Variants in SDK1 observed in about 807,000 individuals in gnomAD.
SDK1 encodes sidekick cell adhesion molecule 1.
SDK1 carries 157 observed loss-of-function variants against 245.5 expected under a neutral mutation model. The observed-to-expected ratio is 0.64, with a 90% CI of 0.56 to 0.73. The LOEUF (loss-of-function observed/expected upper bound fraction) is 0.73. Ranked by LOEUF, SDK1 falls within the 30% of genes least tolerant of loss-of-function variation. The pLI is 0.00. For synonymous variants in SDK1, 1,647 were observed against 1,278.5 expected, an observed-to-expected ratio of 1.29 and a Z score of -6.15; for missense variants, 3,583 against 3,002.3, an observed-to-expected ratio of 1.19 and a Z score of -4.52.
intron 4 of SDK1, among the ~76,000 whole-genome samples, chr7:3,792,282 A>G (rs1424347882): frequency 1.3e-5 from 2 of 151,506 alleles, no homozygotes; most frequent in African/African-American, 4.9e-5. Flanking sequence ...TGGGTCCTGA[A>G]CCCCTTCACC....
At chr7:3,585,792 C>T (rs1243857273) in intron 1 of SDK1, among the ~76,000 whole-genome samples, 1 of 152,008 alleles carries the variant, frequency 6.6e-6, no homozygotes, top group Non-Finnish European at 1.5e-5. Context: ...GACAGGTGTG[C>T]CACTTTTGCC....
chr7:3,378,476 G>A (rs990798869), intron 1 of SDK1, among the ~76,000 whole-genome samples: 2 of 152,060 alleles, frequency 1.3e-5, no homozygotes, highest in African/African-American at 4.8e-5. Flanking sequence ...TCTGCTTACT[G>A]TATCAGCCAT....
At chr7:3,621,710 A>C (rs952413491) in intron 2 of SDK1, among the ~76,000 whole-genome samples, 1 of 152,164 alleles carries the variant, frequency 6.6e-6, no homozygotes, top group Non-Finnish European at 1.5e-5. Flanking sequence ...GCGCACCTGT[A>C]CCTTATCTGA....
chr7:3,794,599 C>T (rs1238333523), intron 4 of SDK1, among the ~76,000 whole-genome samples: 1 of 152,140 alleles, frequency 6.6e-6, no homozygotes, highest in Non-Finnish European at 1.5e-5. Context: ...CCTAAGTTCG[C>T]ACCCTCAACC....
At chr7:3,806,286 G>A (rs1266183548) in intron 4 of SDK1, among the ~76,000 whole-genome samples, 6 of 130,078 alleles carry the variant, frequency 4.6e-5, no homozygotes, top group Non-Finnish European at 8.1e-5. Flanking sequence ...TCTCTAGGAT[G>A]TGGATGTCCA....
At chr7:3,939,967 A>C (rs999593479) in intron 5 of SDK1, among the ~76,000 whole-genome samples, 4 of 152,246 alleles carry the variant, frequency 2.6e-5, no homozygotes, top group Non-Finnish European at 5.9e-5. Context: ...ATGAAAAACC[A>C]CCAGTGCACC....
intron 44 of SDK1, among the ~76,000 whole-genome samples, chr7:4,248,705 T>C (rs548463094): frequency 1.3e-5 from 2 of 150,636 alleles, no homozygotes; most frequent in African/African-American, 5.0e-5. Context: ...CATGCACACA[T>C]GTACACACAC....
At chr7:3,525,151 C>T (rs1278184409) in intron 1 of SDK1, among the ~76,000 whole-genome samples, 2 of 151,820 alleles carry the variant, frequency 1.3e-5, no homozygotes, top group Non-Finnish European at 2.9e-5. Context: ...AAATACTATG[C>T]CATTTCCTAT....
intron 14 of SDK1, among the ~76,000 whole-genome samples, chr7:3,998,388 T>A (rs1307976032): frequency 6.6e-6 from 1 of 152,284 alleles, no homozygotes; most frequent in Non-Finnish European, 1.5e-5. Flanking sequence ...TTGTTTATCA[T>A]GTAATACATT....
intron 4 of SDK1, among the ~76,000 whole-genome samples, chr7:3,794,880 G>C (rs997086304): frequency 3.3e-5 from 5 of 151,782 alleles, no homozygotes; most frequent in Admixed American, 6.6e-5. Flanking sequence ...TGCCCTTCAT[G>C]AATTTTTGGA....
Position 3,631,329 on chromosome 7 carries a change from T to G in SDK1, c.459-7675T>G, listed in dbSNP as rs77045687. 7.5e-3 allele frequency among the ~76,000 whole-genome samples: 1,141 copies of G among 152,342 alleles called. 15 individuals are homozygous for G. The highest frequency in any genetic ancestry group is 0.026 in the African/African-American group (1,077 of 41,576). ...TTATATTTAATTGAGAACTCTTTTC[T>G]CAGTTGGTTTCCTCATCACCCAACC... is the stretch of plus-strand genomic sequence containing the variant. On this transcript the variant is annotated intron_variant, in intron 2 of 44. Coordinates refer to ENST00000404826, the MANE Select transcript of SDK1 (RefSeq NM_152744.4).
intron 44 of SDK1, 119 bp from the exon 45 acceptor site, chr7:4,265,005 G>A (rs1392220580): frequency 2.1e-6 from 3 of 1,458,064 alleles, no homozygotes; most frequent in Admixed American, 2.2e-5. Flanking sequence ...GTGGGGAGAG[G>A]GCTGGAGACC....
In SDK1 at chr7:3,332,980, A is replaced by G. The variant is rs553523365; in HGVS notation, c.298+31096A>G. Among the ~76,000 whole-genome samples the G allele has an allele frequency of 2.6e-5, 4 of 152,340 alleles. No individual in the cohort carries two copies. The South Asian group carries it at 8.3e-4, about 32-fold the overall frequency. ...CTGGGGAACGAGCCTCTTTGTCCAG[A>G]AAAGGGCTCTTAGATTTTTCCCTGT... On this transcript the variant is annotated intron_variant, in intron 1 of 44. Coordinates refer to ENST00000404826, the MANE Select transcript of SDK1 (RefSeq NM_152744.4).
chr7:3,331,948 T>C (rs1363451766), intron 1 of SDK1, among the ~76,000 whole-genome samples: 1 of 152,198 alleles, frequency 6.6e-6, no homozygotes, highest in Non-Finnish European at 1.5e-5. Flanking sequence ...TAGTTACTGC[T>C]TACTTTACAG....
At chr7:3,335,152 A>T (rs1235276845) in intron 1 of SDK1, among the ~76,000 whole-genome samples, 1 of 152,178 alleles carries the variant, frequency 6.6e-6, no homozygotes, top group Non-Finnish European at 1.5e-5. Flanking sequence ...TAACTTCTGT[A>T]TCCAGTTGCC....
intron 1 of SDK1, among the ~76,000 whole-genome samples, chr7:3,548,049 C>T (rs931576994): frequency 1.2e-4 from 18 of 152,088 alleles, no homozygotes; most frequent in Admixed American, 6.5e-4. Context: ...AATTTGTCTC[C>T]CCAGTTTTTG....
At chr7:3,858,329 G>A (rs544223068) in intron 5 of SDK1, among the ~76,000 whole-genome samples, 5 of 152,032 alleles carry the variant, frequency 3.3e-5, no homozygotes, top group Admixed American at 3.3e-4. Flanking sequence ...AGAGCGGGAG[G>A]ATTGCTGAGC....
intron 1 of SDK1, among the ~76,000 whole-genome samples, chr7:3,504,066 C>T (rs1403003347): frequency 1.3e-5 from 2 of 151,804 alleles, no homozygotes; most frequent in African/African-American, 2.4e-5. Context: ...AGGAGAATTG[C>T]TTGAACCCGG....
chr7:4,117,713 C>T (rs575426803), intron 25 of SDK1, among the ~76,000 whole-genome samples: 130 of 152,248 alleles, frequency 8.5e-4, no homozygotes, highest in Middle Eastern at 3.4e-3. Context: ...GGCACCAGCA[C>T]GCATCCAGTG....
Sources: gnomAD v4.1 joint callset for allele counts (sites outside exome capture counted in the v4.1 genomes callset) on GRCh38, gnomAD v4.1.1 for gene constraint, MANE v1.5 for transcripts, NCBI Gene and HGNC (gene_info 2026-07-23, HGNC 2026-07-21) for gene names.